The following PRKN variants were observed in gnomAD, a reference collection of about 807,000 sequenced individuals.
The protein encoded by PRKN is parkin RBR E3 ubiquitin protein ligase, also known as E3 ubiquitin-protein ligase parkin.
Under a neutral mutation model 59.5 loss-of-function variants are expected in PRKN, and 56 were observed. The ratio of observed to expected loss-of-function variants is 0.94; its 90% CI spans 0.76 to 1.18. The LOEUF (loss-of-function observed/expected upper bound fraction) is 1.18. PRKN is among the 50% of genes most tolerant of loss of function. PRKN has a pLI of 0.00. For missense variants in PRKN, 657 were observed against 596.4 expected (o/e 1.10, Z -1.06); for synonymous variants, 250 against 222.1 (o/e 1.13, Z -1.12).
chr6:161,574,103 A>G (rs980177041), intron 7 of PRKN, among the ~76,000 whole-genome samples: 1 of 152,050 alleles, frequency 6.6e-6, no homozygotes, highest in Non-Finnish European at 1.5e-5. Context: ...TTAGATGAGA[A>G]GAGCTGGAAG....
In PRKN at chr6:161,588,955, T is replaced by G. The variant is rs922536744; in HGVS notation, c.872-19539A>C. Among the ~76,000 whole-genome samples, 2 of 152,182 alleles carry G rather than the reference T, an allele frequency of 1.3e-5. No homozygotes were observed. The highest frequency in any genetic ancestry group is 2.9e-5 in the Non-Finnish European group (2 of 68,034). ...AAATGCAAATGTAACCGGTATCCTCTAGTTTATCTGGCAGCCTTACCAAGC... is the reference window on the plus strand; with the variant it reads ...AAATGCAAATGTAACCGGTATCCTCGAGTTTATCTGGCAGCCTTACCAAGC... On this transcript the variant is annotated intron_variant, in intron 7 of 11. Coordinates refer to ENST00000366898, the MANE Select transcript of PRKN (RefSeq NM_004562.3). The surrounding 1 kb of genome is among the most constrained non-coding windows in gnomAD (Gnocchi z 5.0).
chr6:162,670,265 G>GA (rs1368973272), intron 1 of PRKN, among the ~76,000 whole-genome samples: 1 of 151,948 alleles, frequency 6.6e-6, no homozygotes, highest in South Asian at 2.1e-4. Context: ...CTCTAAGAAC[G>GA]AAAAAAATCT....
intron 6 of PRKN, among the ~76,000 whole-genome samples, chr6:161,838,671 A>G (rs1281887875): frequency 1.3e-5 from 2 of 148,346 alleles, no homozygotes; most frequent in East Asian, 1.9e-4. Context: ...TAGCAGCGCC[A>G]TTGCAGGAAC....
intron 2 of PRKN, among the ~76,000 whole-genome samples, chr6:162,330,518 C>T (rs1420096018): frequency 6.6e-6 from 1 of 152,138 alleles, no homozygotes; most frequent in East Asian, 1.9e-4. Flanking sequence ...AAACTGAATT[C>T]TAGATATTGA....
chr6:161,560,621 T>C lies in PRKN; in HGVS notation c.933+8734A>G, dbSNP rs1486775441. Among the ~76,000 whole-genome samples the C allele has an allele frequency of 6.6e-6, 1 of 152,178 alleles. No homozygotes were observed. The highest frequency in any genetic ancestry group is 2.4e-5 in the African/African-American group (1 of 41,446). ...TACCTTCTCATCCTGCTGACCTTTT[T>C]CTCATCCTTCTATTCGCACGGTCCA... is the stretch of plus-strand genomic sequence containing the variant. On this transcript the variant is annotated intron_variant, in intron 8 of 11. Transcript: ENST00000366898. This position sits in a 1 kb window ranked among gnomAD's most constrained non-coding sequence, Gnocchi z 4.9.
At chr6:162,493,556 T>C (rs551641788) in intron 1 of PRKN, among the ~76,000 whole-genome samples, 1 of 152,120 alleles carries the variant, frequency 6.6e-6, no homozygotes, top group Non-Finnish European at 1.5e-5. Context: ...AAACTACATA[T>C]TTCAAAGAGA....
chr6:161,732,207 T>A (rs1412217874), intron 7 of PRKN, among the ~76,000 whole-genome samples: 1 of 151,856 alleles, frequency 6.6e-6, no homozygotes, highest in Non-Finnish European at 1.5e-5. Flanking sequence ...CTGCCTCAGC[T>A]CCCTGAGTAG....
Position 162,123,244 on chromosome 6 carries a change from T to C in PRKN, c.535-69070A>G, listed in dbSNP as rs1780991678. Among the ~76,000 whole-genome samples, 3 of 152,070 alleles carry C rather than the reference T, an allele frequency of 2.0e-5. No individual in the cohort carries two copies. In the South Asian group the frequency reaches 6.2e-4, roughly 31 times the overall value. ...CAAAAGTACAAGTTAATGAAAACTATGGCAACCAATAAAGATTAAACTGTT... is the reference window on the plus strand; with the variant it reads ...CAAAAGTACAAGTTAATGAAAACTACGGCAACCAATAAAGATTAAACTGTT... On this transcript the variant is annotated intron_variant, in intron 4 of 11. Coordinates refer to ENST00000366898, the MANE Select transcript of PRKN (RefSeq NM_004562.3).
Position 161,547,233 on chromosome 6 carries a change from A to G in PRKN, c.1083+1621T>C, listed in dbSNP as rs1779828012. Among the ~76,000 whole-genome samples, 1 of 152,222 alleles carries G rather than the reference A, an allele frequency of 6.6e-6. No individual in the cohort carries two copies. The highest frequency in any genetic ancestry group is 2.1e-4 in the South Asian group (1 of 4,828). ...AAGATAAATTAAGAATACGCTACCT[A>G]CAATTGCCAAAGGACAAAGAAACCT... On this transcript the variant is annotated intron_variant, in intron 9 of 11. Transcript: ENST00000366898. The surrounding 1 kb of genome is among the most constrained non-coding windows in gnomAD (Gnocchi z 4.0).
At chr6:162,453,443 G>C (rs1790719528) in intron 1 of PRKN, among the ~76,000 whole-genome samples, 1 of 152,098 alleles carries the variant, frequency 6.6e-6, no homozygotes. Context: ...GTAGGAAAAA[G>C]GCAACTGAAA....
In PRKN at chr6:161,457,150, G is replaced by A. The variant is rs1583093983; in HGVS notation, c.1084-70273C>T. Among the ~76,000 whole-genome samples the A allele has an allele frequency of 1.3e-5, 2 of 152,158 alleles. No individual in the cohort carries two copies. Among genetic ancestry groups the A allele is most frequent in the African/African-American group, 2.4e-5 (1 of 41,446 alleles). On this transcript the variant is annotated intron_variant, in intron 9 of 11. Transcript: ENST00000366898. This position sits in a 1 kb window ranked among gnomAD's most constrained non-coding sequence, Gnocchi z 5.0. ...TTTGGAGTCCAGGAGTTCTCCACTC[G>A]GTACACCCAGTTTTACCAAAGTTAA...
chr6:162,601,572 T>G (rs1355463121), intron 1 of PRKN, among the ~76,000 whole-genome samples: 1 of 152,134 alleles, frequency 6.6e-6, no homozygotes, highest in African/African-American at 2.4e-5. Flanking sequence ...TTCCCTTTCC[T>G]CGAACCCTCT....
chr6:161,573,213 C>T (rs1292000567), intron 7 of PRKN, among the ~76,000 whole-genome samples: 1 of 152,146 alleles, frequency 6.6e-6, no homozygotes, highest in Admixed American at 6.5e-5. Context: ...GCCAACTCAT[C>T]AGGGCCCTGT....
chr6:161,362,187 AT>A lies in PRKN; in HGVS notation c.1168-1983del, dbSNP rs1785001761. Among the ~76,000 whole-genome samples, 2 of 152,214 alleles carry A rather than the reference AT, an allele frequency of 1.3e-5. No individual in the cohort carries two copies. Among genetic ancestry groups the A allele is most frequent in the Non-Finnish European group, 2.9e-5 (2 of 68,034 alleles). ...CATGGCATACTGCATGTGAAGGGCA[AT>A]TTCTCCCAGGTCCACACACCTAAAA... On this transcript the variant is annotated intron_variant, in intron 10 of 11. Coordinates refer to ENST00000366898, the MANE Select transcript of PRKN (RefSeq NM_004562.3). The surrounding 1 kb of genome is among the most constrained non-coding windows in gnomAD (Gnocchi z 5.2).
chr6:162,694,138 T>G (rs1777881886), intron 1 of PRKN, among the ~76,000 whole-genome samples: 1 of 149,124 alleles, frequency 6.7e-6, no homozygotes, highest in African/African-American at 2.5e-5. Flanking sequence ...TCCCAGCTAT[T>G]CGGGAGGCTG....
At chr6:162,508,034 C>T (rs558530595) in intron 1 of PRKN, among the ~76,000 whole-genome samples, 18 of 152,172 alleles carry the variant, frequency 1.2e-4, no homozygotes, top group Admixed American at 2.6e-4. Flanking sequence ...ATACCCAAGA[C>T]TGGGCAATTT....
intron 4 of PRKN, among the ~76,000 whole-genome samples, chr6:162,079,527 G>A (rs74438566): frequency 0.011 from 1,664 of 152,044 alleles, 42 homozygotes; most frequent in African/African-American, 0.039. Context: ...CATACCTGCC[G>A]GAGGAATATT....
chr6:161,957,403 C>CTTG (rs1395871614), intron 6 of PRKN, among the ~76,000 whole-genome samples: 3 of 135,612 alleles, frequency 2.2e-5, no homozygotes, highest in Non-Finnish European at 3.1e-5. Flanking sequence ...TTTTGTTGTT[C>CTTG]TTGTTGTTTT....
chr6:161,803,978 G>A (rs990772375), intron 6 of PRKN, among the ~76,000 whole-genome samples: 2 of 152,224 alleles, frequency 1.3e-5, no homozygotes, highest in African/African-American at 2.4e-5. Context: ...GTAGAGGTCA[G>A]AAGTGGGCCT....
Sources: allele counts gnomAD v4.1 joint callset (sites outside exome capture counted in the v4.1 genomes callset), GRCh38; gene constraint gnomAD v4.1.1; non-coding constraint Gnocchi (gnomAD v3.1); transcripts MANE v1.5; gene names NCBI Gene and HGNC (gene_info 2026-07-23, HGNC 2026-07-21).